The following CDKN3 variants were observed in gnomAD, a reference collection of about 807,000 sequenced individuals.
The protein encoded by CDKN3 is cyclin-dependent kinase inhibitor 3.
CDKN3 carries 19 observed loss-of-function variants against 36.1 expected under a neutral mutation model. The ratio of observed to expected loss-of-function variants is 0.53; its 90% CI spans 0.37 to 0.77. The LOEUF (loss-of-function observed/expected upper bound fraction) is 0.77, where lower values mean the gene tolerates loss of function less well. Ranked by LOEUF, CDKN3 falls within the 30% of genes least tolerant of loss-of-function variation. The pLI is 0.00. For missense variants in CDKN3, 188 were observed against 248.6 expected, an observed-to-expected ratio of 0.76 and a Z score of 1.64; for synonymous variants, 71 against 85.3, an observed-to-expected ratio of 0.83 and a Z score of 0.92.
At chr14:54,411,420 G>A in intron 4 of CDKN3, 64 bp from the exon 5 acceptor site, 1 of 1,226,882 alleles carries the variant, frequency 8.2e-7, no homozygotes, top group South Asian at 1.3e-5. Context: ...TCTCCCTCTT[G>A]ATGGTATTTA....
chr14:54,420,029 C>G lies in CDKN3; in HGVS notation c.590C>G (p.Ala197Gly). The change falls in exon 8 of 8, where the codon GCT (alanine) becomes GGT (glycine). Residue 197 changes from alanine to glycine, a missense_variant. Transcript: ENST00000335183. ...NYLHEFRDKL[A>G]AHLSSRDSQS... The stretch of plus-strand genomic sequence containing the variant: ...CTTCATGAGTTTCGGGACAAATTAG[C>G]TGCACATCTATCATCAAGAGATTCA... 6.2e-7 allele frequency: 1 copy of G among 1,609,654 alleles called. No homozygotes were observed. Among genetic ancestry groups the G allele is most frequent in the South Asian group, 1.1e-5 (1 of 90,932 alleles).
intron 3 of CDKN3, among the ~76,000 whole-genome samples, chr14:54,405,607 CT>C (rs1594601969): frequency 6.6e-6 from 1 of 152,080 alleles, no homozygotes; most frequent in African/African-American, 2.4e-5. Flanking sequence ...CCTTCTTTTT[CT>C]TTTTTTATCT....
At chr14:54,403,972 C>G (rs557284960) in intron 3 of CDKN3, among the ~76,000 whole-genome samples, 1 of 152,330 alleles carries the variant, frequency 6.6e-6, no homozygotes, top group African/African-American at 2.4e-5. Flanking sequence ...CATCGATGTT[C>G]ATCAAGGATA....
chr14:54,412,864 C>T (rs755981688), intron 5 of CDKN3: 16 of 516,952 alleles, frequency 3.1e-5, no homozygotes, highest in African/African-American at 3.1e-4. Flanking sequence ...TAGTTTACGA[C>T]CTCAAAAGCC....
intron 4 of CDKN3, among the ~76,000 whole-genome samples, chr14:54,410,184 T>C (rs915933995): frequency 3.3e-5 from 5 of 152,164 alleles, no homozygotes; most frequent in African/African-American, 1.2e-4. Flanking sequence ...TTAAATGGAA[T>C]CCAGTACATA....
intron 2 of CDKN3, among the ~76,000 whole-genome samples, chr14:54,401,154 T>C (rs545298113): frequency 6.6e-6 from 1 of 152,324 alleles, no homozygotes; most frequent in South Asian, 2.1e-4. Flanking sequence ...GTTTTCTTGT[T>C]TTTTGTAGAG....
intron 4 of CDKN3, among the ~76,000 whole-genome samples, chr14:54,409,226 T>A (rs1469953480): frequency 1.3e-5 from 2 of 152,044 alleles, no homozygotes; most frequent in Non-Finnish European, 2.9e-5. Flanking sequence ...AGCATCTAGA[T>A]GGAAAAGACA....
intron 3 of CDKN3, among the ~76,000 whole-genome samples, chr14:54,402,332 G>GTGTGTA (rs1043905258): frequency 4.3e-4 from 65 of 151,670 alleles, no homozygotes; most frequent in African/African-American, 1.4e-3. Flanking sequence ...GTGTGTGTGT[G>GTGTGTA]TGTATGTATA....
intron 5 of CDKN3, among the ~76,000 whole-genome samples, chr14:54,414,924 A>C (rs553687438): frequency 6.6e-6 from 1 of 152,232 alleles, no homozygotes; most frequent in East Asian, 1.9e-4. Context: ...CAAGTTCACG[A>C]GTAAGACTAG....
intron 5 of CDKN3, among the ~76,000 whole-genome samples, chr14:54,415,325 G>A (rs1402770005): frequency 6.6e-6 from 1 of 152,160 alleles, no homozygotes; most frequent in Non-Finnish European, 1.5e-5. Flanking sequence ...TCCTCACTCT[G>A]ATGTACATAC....
chr14:54,413,583 A>G, intron 5 of CDKN3: 2 of 1,481,012 alleles, frequency 1.4e-6, no homozygotes, highest in African/African-American at 1.4e-5. Context: ...GCATCTGACA[A>G]CTGGCATTTT....
chr14:54,397,017 C>A lies in CDKN3; in HGVS notation c.-52C>A. Reference sequence around the variant, plus strand: ...GGGCTCGGCCGGGGCACCGGTGAGTCGCCGGCGCTGCAGAGGGAGGCGGCA... The same window carrying A: ...GGGCTCGGCCGGGGCACCGGTGAGTAGCCGGCGCTGCAGAGGGAGGCGGCA... On this transcript the variant is annotated 5_prime_UTR_variant, in exon 1 of 8. Transcript: ENST00000335183. 1.4e-6 allele frequency: 2 copies of A among 1,442,626 alleles called. No individual in the cohort carries two copies. The highest frequency in any genetic ancestry group is 1.4e-5 in the South Asian group (1 of 70,588). 89.4% of individuals were successfully genotyped at this position (1,442,626 alleles called of 1,614,324 possible).
At chr14:54,418,759 CA>C (rs149506600) in intron 7 of CDKN3, among the ~76,000 whole-genome samples, 2,107 of 152,204 alleles carry the variant, frequency 0.014, 52 homozygotes, top group African/African-American at 0.047. Context: ...ATAAATTCAC[CA>C]AGCAACCTGA....
chr14:54,399,123 T>A (rs1028619468), intron 1 of CDKN3, among the ~76,000 whole-genome samples: 14 of 151,486 alleles, frequency 9.2e-5, no homozygotes, highest in African/African-American at 3.4e-4. Context: ...GTAGCTGGGA[T>A]TACAGGCATG....
At chr14:54,411,175 TCAA>T in intron 4 of CDKN3, 1 of 109,766 alleles carries the variant, frequency 9.1e-6, no homozygotes, top group South Asian at 6.7e-5. Context: ...AGACTCCATC[TCAA>T]AAAAAAAAAA....
intron 7 of CDKN3, 151 bp from the exon 8 acceptor site, chr14:54,419,841 C>A: frequency 1.9e-6 from 1 of 525,780 alleles, no homozygotes; most frequent in Non-Finnish European, 3.4e-6. Flanking sequence ...AAAGATAAAA[C>A]TTCCCCATGA....
At chr14:54,401,033 C>A (rs912782527) in intron 2 of CDKN3, among the ~76,000 whole-genome samples, 1 of 152,212 alleles carries the variant, frequency 6.6e-6, no homozygotes, top group African/African-American at 2.4e-5. Context: ...ATCACTAATA[C>A]AAATTATCTC....
At chr14:54,408,115 T>C (rs1161271130) in intron 3 of CDKN3, among the ~76,000 whole-genome samples, 1 of 152,244 alleles carries the variant, frequency 6.6e-6, no homozygotes, top group Non-Finnish European at 1.5e-5. Flanking sequence ...CTTCTTTTCC[T>C]CTGGGTATAT....
At chr14:54,413,727 T>G in intron 5 of CDKN3, 1 of 1,530,060 alleles carries the variant, frequency 6.5e-7, no homozygotes. Context: ...GTAAACCTTT[T>G]TCACTGACCT....
Sources: allele counts gnomAD v4.1 joint callset (sites outside exome capture counted in the v4.1 genomes callset), GRCh38; gene constraint gnomAD v4.1.1; transcripts MANE v1.5; gene names NCBI Gene and HGNC (gene_info 2026-07-23, HGNC 2026-07-21).